Variants in CCDC69 observed in about 807,000 individuals in gnomAD.
CCDC69 encodes the protein coiled-coil domain containing 69.
CCDC69 carries 38 observed loss-of-function variants against 40.3 expected under a neutral mutation model. The ratio of observed to expected loss-of-function variants is 0.94; its 90% CI spans 0.73 to 1.24. CCDC69 has a LOEUF of 1.24. Ranked by LOEUF, CCDC69 falls within the 50% of genes most tolerant of loss-of-function variation. CCDC69 has a pLI of 0.00. For missense variants in CCDC69, 389 were observed against 357.9 expected (o/e 1.09, Z -0.70); for synonymous variants, 141 against 138.9 (o/e 1.02, Z -0.11).
chr5:151,223,105 C>T (rs889934696), intron 1 of CCDC69, among the ~76,000 whole-genome samples: 3 of 152,194 alleles, frequency 2.0e-5, no homozygotes, highest in Admixed American at 2.0e-4. Context: ...CCCTCTGCCT[C>T]ACAGTGTCCC....
At chr5:151,185,179 G>A (rs1752475399) in intron 7 of CCDC69, 2 of 425,744 alleles carry the variant, frequency 4.7e-6, no homozygotes, top group Admixed American at 7.6e-5. Context: ...CTGCCCTAGT[G>A]TCACCCAAGC....
intron 1 of CCDC69, among the ~76,000 whole-genome samples, chr5:151,219,015 G>A (rs1174394855): frequency 2.0e-5 from 3 of 152,240 alleles, no homozygotes; most frequent in Non-Finnish European, 4.4e-5. Flanking sequence ...CTTCCAGAGT[G>A]CCTTGTGCAT....
intron 4 of CCDC69, among the ~76,000 whole-genome samples, chr5:151,187,959 A>T (rs535537209): frequency 1.3e-5 from 2 of 152,294 alleles, no homozygotes; most frequent in East Asian, 3.9e-4. Flanking sequence ...CCTTGAGAAG[A>T]TCATATCAGA....
At chr5:151,190,444 T>A (rs1752593378) in intron 4 of CCDC69, among the ~76,000 whole-genome samples, 1 of 152,042 alleles carries the variant, frequency 6.6e-6, no homozygotes, top group South Asian at 2.1e-4. Context: ...GGTGGGTGGA[T>A]CATCTGAGGT....
intron 4 of CCDC69, among the ~76,000 whole-genome samples, chr5:151,198,154 GTCTA>G (rs1752724885): frequency 6.6e-6 from 1 of 152,248 alleles, no homozygotes; most frequent in Non-Finnish European, 1.5e-5. Flanking sequence ...TTCTATCTCG[GTCTA>G]TCTATCATTA....
rs762244155 is a variant in CCDC69 at position 151,183,535 on chromosome 5, TCTCC to T, written c.789_792del (p.Glu264ArgfsTer143). On this transcript the variant is annotated frameshift_variant, in exon 9 of 9. Transcript: ENST00000355417. LOFTEE classifies it high-confidence loss of function. ...AGGACCCGGTACAACAGCTCCTCCT[TCTCC>T]TGCTGGAGCTGTCGCCGCAGCTGCA... 5 of 1,610,836 alleles carry T rather than the reference TCTCC, an allele frequency of 3.1e-6. No individual in the cohort carries two copies. In the Admixed American group the frequency reaches 5.0e-5, roughly 16 times the overall value.
In CCDC69 at chr5:151,185,454, G is replaced by C; in HGVS notation, c.583C>G (p.Leu195Val). 6.2e-7 allele frequency: 1 copy of C among 1,614,014 alleles called. No homozygotes were observed. Among genetic ancestry groups the C allele is most frequent in the Non-Finnish European group, 8.5e-7 (1 of 1,179,902 alleles). Reference sequence around the variant, plus strand: ...TCCATGAGGATCAGCCGCCTGTCCAGCTCATGAATACGCTCATTCTTCATC... The same window carrying C: ...TCCATGAGGATCAGCCGCCTGTCCACCTCATGAATACGCTCATTCTTCATC... ...IEMKNERIHE[L>V]DRRLILMETV... Residue 195 changes from leucine to valine, a missense_variant, in exon 7 of 9, where the codon CTG (leucine) becomes GTG (valine). Transcript: ENST00000355417.
At chr5:151,194,060 G>C (rs894455625) in intron 4 of CCDC69, among the ~76,000 whole-genome samples, 1 of 152,230 alleles carries the variant, frequency 6.6e-6, no homozygotes, top group South Asian at 2.1e-4. Flanking sequence ...ACCAGTGACA[G>C]CAAGTATTGG....
chr5:151,218,862 A>G (rs978471689), intron 1 of CCDC69, among the ~76,000 whole-genome samples: 5 of 152,244 alleles, frequency 3.3e-5, no homozygotes, highest in Admixed American at 2.6e-4. Context: ...CCATGAATTC[A>G]ATAGAGGAAA....
chr5:151,220,957 C>T (rs1021340272), intron 1 of CCDC69, among the ~76,000 whole-genome samples: 2 of 152,118 alleles, frequency 1.3e-5, no homozygotes, highest in Non-Finnish European at 2.9e-5. Context: ...GGGGATGTGA[C>T]CACATTAGCC....
chr5:151,194,982 A>C (rs1752677599), intron 4 of CCDC69, among the ~76,000 whole-genome samples: 1 of 152,006 alleles, frequency 6.6e-6, no homozygotes, highest in Non-Finnish European at 1.5e-5. Context: ...ACTATATGAT[A>C]ATTTAAAAAA....
intron 1 of CCDC69, among the ~76,000 whole-genome samples, chr5:151,208,643 C>T (rs1030149177): frequency 5.3e-5 from 8 of 152,244 alleles, no homozygotes; most frequent in East Asian, 1.9e-4. Flanking sequence ...CTGTCAACTC[C>T]GGAATCTGGG....
At chr5:151,214,669 G>A (rs1308725646) in intron 1 of CCDC69, among the ~76,000 whole-genome samples, 1 of 152,190 alleles carries the variant, frequency 6.6e-6, no homozygotes, top group African/African-American at 2.4e-5. Context: ...GTGCCAGGCT[G>A]CACCACTCCG....
chr5:151,220,017 G>GA (rs1227294714), intron 1 of CCDC69, among the ~76,000 whole-genome samples: 1 of 151,972 alleles, frequency 6.6e-6, no homozygotes, highest in Non-Finnish European at 1.5e-5. Context: ...GAACAACAGA[G>GA]AAAAAAACTG....
At chr5:151,202,746 G>A (rs890143161) in intron 2 of CCDC69, among the ~76,000 whole-genome samples, 4 of 152,074 alleles carry the variant, frequency 2.6e-5, no homozygotes, top group Admixed American at 6.6e-5. Context: ...CCCCTGCTTC[G>A]GGAAACTCCA....
At position 151,183,285 on chromosome 5, in the gene CCDC69, C is replaced by A. The variant is rs1397272589; in HGVS notation, c.*152G>T. The A allele has an allele frequency of 1.1e-6, 1 of 891,166 alleles. No homozygotes were observed. Among genetic ancestry groups the A allele is most frequent in the Non-Finnish European group, 1.8e-6 (1 of 546,434 alleles). 55.2% of individuals were successfully genotyped at this position (891,166 alleles called of 1,614,324 possible). The stretch of plus-strand genomic sequence containing the variant: ...GGTGATTCCATGTAACTCAAGGCCC[C>A]AGGGCTCACTGGGCACACACCCAGG... On this transcript the variant is annotated 3_prime_UTR_variant, in exon 9 of 9. Transcript: ENST00000355417.
intron 3 of CCDC69, among the ~76,000 whole-genome samples, chr5:151,199,363 A>T (rs1042163524): frequency 1.3e-5 from 2 of 152,102 alleles, no homozygotes; most frequent in African/African-American, 4.8e-5. Context: ...CAAGGCAGGA[A>T]GCCTCCCATG....
intron 1 of CCDC69, among the ~76,000 whole-genome samples, chr5:151,206,255 G>C (rs1345435549): frequency 6.6e-6 from 1 of 152,210 alleles, no homozygotes; most frequent in Non-Finnish European, 1.5e-5. Context: ...ATGGGAGAAA[G>C]GGAGGGAGCT....
At chr5:151,211,430 G>A (rs1752945589) in intron 1 of CCDC69, among the ~76,000 whole-genome samples, 3 of 151,684 alleles carry the variant, frequency 2.0e-5, no homozygotes, top group African/African-American at 4.8e-5. Flanking sequence ...TGGACCTCCT[G>A]TACTAGAGCC....
Sources: allele counts gnomAD v4.1 joint callset (sites outside exome capture counted in the v4.1 genomes callset), GRCh38; gene constraint gnomAD v4.1.1; transcripts MANE v1.5; gene names NCBI Gene and HGNC (gene_info 2026-07-23, HGNC 2026-07-21).